Variants in ATP10B observed in about 807,000 individuals in gnomAD.
ATP10B encodes the protein phospholipid-transporting ATPase VB.
A neutral mutation model predicts 141.2 loss-of-function variants in ATP10B; 122 were observed. The ratio of observed to expected loss-of-function variants is 0.86; its 90% confidence interval spans 0.75 to 1.00. The LOEUF is 1.00. ATP10B is among the 50% of genes least tolerant of loss of function. The pLI, the probability that ATP10B is intolerant of heterozygous loss-of-function variation, is 0.00. For synonymous variants in ATP10B, 685 were observed against 692.0 expected, an observed-to-expected ratio of 0.99 and a Z score of 0.16; for missense variants, 1,876 against 1,825.3, an observed-to-expected ratio of 1.03 and a Z score of -0.51.
At chr5:160,634,728 T>G in intron 11 of ATP10B, 122 bp from the exon 12 acceptor site, 12 of 1,068,466 alleles carry the variant, frequency 1.1e-5, no homozygotes, top group Non-Finnish European at 1.6e-5. Flanking sequence ...ACAGACTCTC[T>G]GTGAAATTAA....
At chr5:160,800,768 G>T in intron 1 of ATP10B, among the ~76,000 whole-genome samples, 2 of 152,280 alleles carry the variant, frequency 1.3e-5, no homozygotes, top group South Asian at 4.1e-4. Context: ...CTGAGTCTGA[G>T]CAGAAAGTAT....
At chr5:160,623,141 G>A (rs927260161) in intron 13 of ATP10B, among the ~76,000 whole-genome samples, 15 of 152,216 alleles carry the variant, frequency 9.9e-5, no homozygotes, top group African/African-American at 2.9e-4. Flanking sequence ...CCTCTTGGAT[G>A]TATACTCCTG....
chr5:160,675,611 T>C (rs567574281), intron 6 of ATP10B, among the ~76,000 whole-genome samples: 101 of 152,298 alleles, frequency 6.6e-4, no homozygotes, highest in African/African-American at 2.2e-3. Context: ...CCACACAGGA[T>C]GATGAGCTGG....
chr5:160,678,114 A>G (rs1763148041), intron 6 of ATP10B, among the ~76,000 whole-genome samples: 1 of 152,212 alleles, frequency 6.6e-6, no homozygotes, highest in Non-Finnish European at 1.5e-5. Flanking sequence ...AGTTTTGCTG[A>G]ATTCAGATTT....
chr5:160,820,902 A>T (rs1414039245), intron 1 of ATP10B, among the ~76,000 whole-genome samples: 1 of 152,136 alleles, frequency 6.6e-6, no homozygotes, highest in African/African-American at 2.4e-5. Context: ...CAACATAATA[A>T]AAGCCATGTA....
rs752810327 is a variant in ATP10B at position 160,569,577 on chromosome 5, T to C, written c.3857A>G (p.Tyr1286Cys). ...TGAGAGCTGGCCTTCCATCACCCAA[T>C]AGGGATTGGTGGGGCTGTTGCAGAT... ...CVICNSPTNPYWVMEGQLSNP... is the reference protein window; with the variant it reads ...CVICNSPTNPCWVMEGQLSNP... The change falls in exon 25 of 26, where the codon TAT (tyrosine) becomes TGT (cysteine). Residue 1286 changes from tyrosine (Y) to cysteine (C), a missense_variant. Coordinates refer to ENST00000327245, the MANE Select transcript of ATP10B (RefSeq NM_025153.3). 3 of 1,613,718 alleles carry C rather than the reference T, an allele frequency of 1.9e-6. No individual in the cohort carries two copies. Among genetic ancestry groups the C allele is most frequent in the Non-Finnish European group, 1.7e-6 (2 of 1,179,822 alleles).
At chr5:160,792,550 C>T (rs555596136) in intron 1 of ATP10B, among the ~76,000 whole-genome samples, 1 of 152,184 alleles carries the variant, frequency 6.6e-6, no homozygotes, top group South Asian at 2.1e-4. Context: ...CTCTTTCCCC[C>T]ACTTCTTTTC....
At chr5:160,765,614 A>G (rs1769344749) in intron 2 of ATP10B, among the ~76,000 whole-genome samples, 1 of 152,192 alleles carries the variant, frequency 6.6e-6, no homozygotes. Context: ...AAAATTCTAG[A>G]AGATAATATC....
intron 22 of ATP10B, among the ~76,000 whole-genome samples, chr5:160,597,521 C>T (rs1054792977): frequency 1.3e-5 from 2 of 152,104 alleles, no homozygotes; most frequent in African/African-American, 4.8e-5. Context: ...AAAGCAATGG[C>T]AACAAAAGCC....
intron 1 of ATP10B, among the ~76,000 whole-genome samples, chr5:160,818,811 A>C (rs1773883641): frequency 6.6e-6 from 1 of 152,224 alleles, no homozygotes; most frequent in Non-Finnish European, 1.5e-5. Flanking sequence ...ATGGAATACT[A>C]TGCAGCCATA....
chr5:160,612,156 A>C (rs1757753480), intron 18 of ATP10B: 1 of 152,142 alleles, frequency 6.6e-6, no homozygotes, highest in Non-Finnish European at 1.5e-5. Context: ...ATAAAAACAT[A>C]TTGGCTTCAT....
chr5:160,826,576 C>T lies in ATP10B; in HGVS notation c.-576+25365G>A, dbSNP rs150052765. ...ACCTTGAAAAAGAACAGAATAACAG[C>T]GATTTTTAGCGAGGGAAGACAACCA... On this transcript the variant is annotated intron_variant, in intron 1 of 25. Coordinates refer to ENST00000327245, the MANE Select transcript of ATP10B (RefSeq NM_025153.3). 6.1e-3 allele frequency among the ~76,000 whole-genome samples: 927 copies of T among 152,044 alleles called. 13 individuals carry two copies. The highest frequency in any genetic ancestry group is 0.021 in the African/African-American group (871 of 41,474).
intron 11 of ATP10B, among the ~76,000 whole-genome samples, chr5:160,634,888 C>T (rs541872809): frequency 1.8e-3 from 277 of 152,234 alleles, no homozygotes; most frequent in Middle Eastern, 6.8e-3. Context: ...GTTTAGAGTC[C>T]TCTGACTCCC....
chr5:160,688,147 G>T (rs572493911), intron 4 of ATP10B, 53 bp from the exon 5 acceptor site: 1 of 1,535,546 alleles, frequency 6.5e-7, no homozygotes, highest in Non-Finnish European at 8.8e-7. Flanking sequence ...CAGCATGTTG[G>T]CCTGTTCATT....
chr5:160,745,910 C>T (rs1268746449), intron 2 of ATP10B, among the ~76,000 whole-genome samples: 1 of 152,216 alleles, frequency 6.6e-6, no homozygotes, highest in African/African-American at 2.4e-5. Context: ...TTGAAAAATA[C>T]TTGATTCCAC....
chr5:160,675,031 G>T (rs745994294), intron 6 of ATP10B, among the ~76,000 whole-genome samples: 1 of 152,188 alleles, frequency 6.6e-6, no homozygotes, highest in Non-Finnish European at 1.5e-5. Context: ...GCCCAAGGGG[G>T]TTCAGTCAGG....
At chr5:160,674,627 G>A (rs140955120) in intron 6 of ATP10B, among the ~76,000 whole-genome samples, 152 of 152,194 alleles carry the variant, frequency 1.0e-3, no homozygotes, top group African/African-American at 3.5e-3. Context: ...GACTGTTGTG[G>A]GTTTGCCTTC....
rs548149631 is a variant in ATP10B at position 160,677,650 on chromosome 5, C to T, written c.471-6983G>A. Among the ~76,000 whole-genome samples the T allele has an allele frequency of 1.6e-4, 24 of 152,242 alleles. 1 individual carries two copies. Among genetic ancestry groups the T allele is most frequent in the African/African-American group, 5.5e-4 (23 of 41,550 alleles). On this transcript the variant is annotated intron_variant, in intron 6 of 25. Transcript: ENST00000327245. The stretch of plus-strand genomic sequence containing the variant: ...GATGACTTCTGCCTATCAAGGCTAC[C>T]GAACTCTCCTTAGCAATATTTAAGC...
intron 1 of ATP10B, among the ~76,000 whole-genome samples, chr5:160,793,381 A>T (rs1771725410): frequency 6.6e-6 from 1 of 152,178 alleles, no homozygotes; most frequent in African/African-American, 2.4e-5. Context: ...CCTGGCAAGT[A>T]ATGCAGCTTA....
Sources: allele counts gnomAD v4.1 joint callset (sites outside exome capture counted in the v4.1 genomes callset), GRCh38; gene constraint gnomAD v4.1.1; transcripts MANE v1.5; gene names NCBI Gene and HGNC (gene_info 2026-07-23, HGNC 2026-07-21).